Variants in ZNF33B observed in about 807,000 individuals in gnomAD.
ZNF33B encodes zinc finger protein 11b (KOX 2).
In ZNF33B, 29 loss-of-function variants were observed where a neutral mutation model predicts 45.8. That is an observed-to-expected ratio of 0.63 (90% CI 0.47 to 0.86). The LOEUF (loss-of-function observed/expected upper bound fraction) is 0.86, where lower values mean the gene tolerates loss of function less well. Among genes scored for constraint, ZNF33B ranks in the 40% least tolerant of loss-of-function variants. ZNF33B has a pLI of 0.00. For synonymous variants in ZNF33B, 305 were observed against 307.8 expected, an observed-to-expected ratio of 0.99 and a Z score of 0.10; for missense variants, 831 against 909.9, an observed-to-expected ratio of 0.91 and a Z score of 1.12.
In ZNF33B at chr10:42,638,520, C is replaced by T. The variant is rs73266659; in HGVS notation, c.-91G>A. The stretch of plus-strand genomic sequence containing the variant: ...ATTCGCCATAAGAGAGCCGGTAGAC[C>T]CCTGAAATCCCGGGACCGCCTCCCA... On this transcript the variant is annotated 5_prime_UTR_variant, in exon 1 of 5. Transcript: ENST00000359467. 1.7e-4 allele frequency: 84 copies of T among 483,570 alleles called. No individual in the cohort carries two copies. The highest frequency in any genetic ancestry group is 1.6e-3 in the African/African-American group (80 of 51,012). The allele number at this position is 483,570 out of a possible 1,614,324, so 30.0% of individuals were successfully genotyped here. A position where few individuals can be genotyped will look rare whatever the true frequency, so the allele number is the denominator to read the frequency against.
intron 4 of ZNF33B, among the ~76,000 whole-genome samples, chr10:42,606,187 G>C (rs766565743): frequency 5.3e-5 from 8 of 151,896 alleles, no homozygotes; most frequent in Non-Finnish European, 8.8e-5. Flanking sequence ...CAGAGCAGCT[G>C]GGTGTGGTGG....
chr10:42,604,371 G>C (rs1837752844), intron 4 of ZNF33B, among the ~76,000 whole-genome samples: 1 of 151,822 alleles, frequency 6.6e-6, no homozygotes, highest in Non-Finnish European at 1.5e-5. Flanking sequence ...CTTGAACCTG[G>C]GAGGCAGAGG....
intron 4 of ZNF33B, among the ~76,000 whole-genome samples, chr10:42,595,571 A>C (rs1564501047): frequency 6.6e-6 from 1 of 152,186 alleles, no homozygotes; most frequent in Non-Finnish European, 1.5e-5. Flanking sequence ...ACTGTATTTG[A>C]AGATGGGGAC....
At chr10:42,577,719 C>T (rs1836768339) in intron 1 of ZNF33B, among the ~76,000 whole-genome samples, 1 of 152,194 alleles carries the variant, frequency 6.6e-6, no homozygotes, top group Non-Finnish European at 1.5e-5. Context: ...AGAGAGAAAC[C>T]TGGCTTCATG....
chr10:42,603,014 C>G (rs1837691048), intron 4 of ZNF33B, among the ~76,000 whole-genome samples: 2 of 152,292 alleles, frequency 1.3e-5, no homozygotes, highest in Admixed American at 1.3e-4. Context: ...GAGCCAGCTT[C>G]CTCCACCACC....
At chr10:42,601,823 G>A (rs1419269483) in intron 4 of ZNF33B, among the ~76,000 whole-genome samples, 1 of 150,834 alleles carries the variant, frequency 6.6e-6, no homozygotes, top group Non-Finnish European at 1.5e-5. Context: ...CATTTGTATG[G>A]CTTCTATTAC....
chr10:42,623,513 T>C (rs1346370168), intron 4 of ZNF33B, among the ~76,000 whole-genome samples: 1 of 152,224 alleles, frequency 6.6e-6, no homozygotes, highest in Non-Finnish European at 1.5e-5. Context: ...AAGAAAGTCT[T>C]GATACTTGTT....
intron 1 of ZNF33B, among the ~76,000 whole-genome samples, chr10:42,580,591 C>G (rs374631119): frequency 1.9e-4 from 29 of 151,928 alleles, no homozygotes; most frequent in African/African-American, 6.3e-4. Context: ...AGTGCCTGAT[C>G]CCATTTTGGA....
At chr10:42,576,279 G>A (rs750746177) in intron 1 of ZNF33B, among the ~76,000 whole-genome samples, 9 of 152,170 alleles carry the variant, frequency 5.9e-5, no homozygotes, top group Non-Finnish European at 1.0e-4. Flanking sequence ...GTGAGCCACT[G>A]CGCCCGGCCA....
At position 42,591,671 on chromosome 10, in the gene ZNF33B, G is replaced by C. The variant is rs1241194746; in HGVS notation, c.*942C>G. ...ATATGTAAGTCCTATGAACTTCAGG[G>C]ATAATTCACAGATGTGCTTAATGCT... On this transcript the variant is annotated 3_prime_UTR_variant, in exon 5 of 5. Coordinates refer to ENST00000359467, the MANE Select transcript of ZNF33B (RefSeq NM_006955.3). 3 of 314,168 alleles carry C rather than the reference G, an allele frequency of 9.5e-6. No homozygotes were observed. The highest frequency in any genetic ancestry group is 2.2e-5 in the African/African-American group (1 of 44,618). 19.5% of individuals were successfully genotyped at this position (314,168 alleles called of 1,614,324 possible). A position where few individuals can be genotyped will look rare whatever the true frequency, so the allele number is the denominator to read the frequency against.
At chr10:42,637,905 G>C (rs776281383) in intron 1 of ZNF33B, among the ~76,000 whole-genome samples, 1 of 152,270 alleles carries the variant, frequency 6.6e-6, no homozygotes, top group East Asian at 1.9e-4. Context: ...CACCCTCCTC[G>C]GCCTCCCAAA....
At chr10:42,596,957 C>T (rs1350566962) in intron 4 of ZNF33B, among the ~76,000 whole-genome samples, 1 of 151,580 alleles carries the variant, frequency 6.6e-6, no homozygotes, top group Non-Finnish European at 1.5e-5. Context: ...ATATATTATA[C>T]TATCAGGTAT....
Position 42,594,244 on chromosome 10 carries a change from T to C in ZNF33B, c.706A>G (p.Thr236Ala). The C allele has an allele frequency of 6.2e-7, 1 of 1,613,838 alleles. No homozygotes were observed. Among genetic ancestry groups the C allele is most frequent in the Non-Finnish European group, 8.5e-7 (1 of 1,179,934 alleles). Residue 236 changes from threonine to alanine, a missense_variant, in exon 5 of 5, where the codon ACA becomes GCA. Physicochemically the swap from Thr to Ala is moderately conservative, Grantham distance 58. Coordinates refer to ENST00000359467, the MANE Select transcript of ZNF33B (RefSeq NM_006955.3). ...TCTTCTGCATTCTCTCTCTTCCGTG[T>C]ATTGAATACTGCCTTTTCAAGGAGG... is the stretch of plus-strand genomic sequence containing the variant. ...ETLLEKAVFN[T>A]RKRENAEENN...
At chr10:42,616,613 G>C (rs1235812700) in intron 4 of ZNF33B, among the ~76,000 whole-genome samples, 1 of 152,134 alleles carries the variant, frequency 6.6e-6, no homozygotes, top group African/African-American at 2.4e-5. Context: ...TGTAAAACTG[G>C]TGATACAAGA....
chr10:42,616,073 G>T (rs1838301185), intron 4 of ZNF33B, among the ~76,000 whole-genome samples: 1 of 151,816 alleles, frequency 6.6e-6, no homozygotes, highest in Non-Finnish European at 1.5e-5. Context: ...GGGTGTGGGG[G>T]CATGCAACTG....
chr10:42,611,655 G>A (rs369981657), intron 4 of ZNF33B, among the ~76,000 whole-genome samples: 32 of 152,266 alleles, frequency 2.1e-4, no homozygotes, highest in Middle Eastern at 3.4e-3. Flanking sequence ...ACAACAAAAT[G>A]CCAACCCACA....
Position 42,592,518 on chromosome 10 carries a change from G to C in ZNF33B, c.*95C>G. The C allele has an allele frequency of 1.4e-6, 2 of 1,471,340 alleles. No individual in the cohort carries two copies. The highest frequency in any genetic ancestry group is 1.8e-6 in the Non-Finnish European group (2 of 1,090,298). 91.1% of individuals were successfully genotyped at this position (1,471,340 alleles called of 1,614,324 possible). A position where few individuals can be genotyped will look rare whatever the true frequency, so the allele number is the denominator to read the frequency against. ...TAAGGCGAGTTTGTGGATAGTTATT[G>C]AACATTCAGGATGTCAACAGGCCCT... On this transcript the variant is annotated 3_prime_UTR_variant, in exon 5 of 5. Transcript: ENST00000359467.
At chr10:42,583,220 C>T (rs1157347122) in intron 1 of ZNF33B, 1 of 684,844 alleles carries the variant, frequency 1.5e-6, no homozygotes, top group African/African-American at 1.7e-5. Context: ...TTGTGTTTTC[C>T]TACAGAATGC....
chr10:42,602,200 T>C (rs1214786106), intron 4 of ZNF33B, among the ~76,000 whole-genome samples: 1 of 152,142 alleles, frequency 6.6e-6, no homozygotes, highest in Non-Finnish European at 1.5e-5. Context: ...GTGCTGGCAT[T>C]ACAGGTGTGA....
Sources: gnomAD v4.1 joint callset for allele counts (sites outside exome capture counted in the v4.1 genomes callset) on GRCh38, gnomAD v4.1.1 for gene constraint, MANE v1.5 for transcripts, NCBI Gene and HGNC (gene_info 2026-07-23, HGNC 2026-07-21) for gene names.